Variants in ELF1 observed in about 807,000 individuals in gnomAD.
The protein encoded by ELF1 is ETS-related transcription factor Elf-1.
A neutral mutation model predicts 59.9 loss-of-function variants in ELF1; 24 were observed. The observed-to-expected ratio is 0.40, with a 90% CI of 0.29 to 0.56. ELF1 has a LOEUF of 0.56. Ranked by LOEUF, ELF1 falls within the 20% of genes least tolerant of loss-of-function variation. The probability of loss-of-function intolerance (pLI) is 0.44; values close to 1 mark genes in which losing one functional copy is unlikely to be tolerated. For synonymous variants in ELF1, 248 were observed against 266.2 expected (o/e 0.93, Z 0.67); for missense variants, 627 against 742.2 (o/e 0.84, Z 1.80).
intron 1 of ELF1, among the ~76,000 whole-genome samples, chr13:41,051,296 T>C (rs1187188718): frequency 6.6e-6 from 1 of 151,828 alleles, no homozygotes. Flanking sequence ...GAGCTCCAAA[T>C]TCCTTAAGCT....
At chr13:41,041,039 T>C (rs1200068862) in intron 1 of ELF1, among the ~76,000 whole-genome samples, 1 of 152,044 alleles carries the variant, frequency 6.6e-6, no homozygotes, top group African/African-American at 2.4e-5. Flanking sequence ...ACCGTGGATA[T>C]GAAACCTGAA....
At position 40,966,493 on chromosome 13, in the gene ELF1, G is replaced by A. The variant is rs74047248; in HGVS notation, c.73-7477C>T. ...ATAGTTTCCACTTGTGGTTGATCAC[G>A]TATGTGGCAATACCATCAAGTTAAA... is the stretch of plus-strand genomic sequence containing the variant. On this transcript the variant is annotated intron_variant, in intron 2 of 8. Transcript: ENST00000239882. Among the ~76,000 whole-genome samples the A allele has an allele frequency of 6.8e-3, 1,041 of 152,236 alleles. 8 individuals are homozygous for A. The highest frequency in any genetic ancestry group is 0.024 in the African/African-American group (993 of 41,546).
chr13:40,952,472 C>T (rs76226306), intron 3 of ELF1, among the ~76,000 whole-genome samples: 16,698 of 151,836 alleles, frequency 0.11, 1,223 homozygotes, highest in Non-Finnish European at 0.17. Context: ...AGCAATCCTA[C>T]CACCTCAGCC....
At chr13:41,026,268 A>C (rs979293516) in intron 1 of ELF1, among the ~76,000 whole-genome samples, 1 of 152,192 alleles carries the variant, frequency 6.6e-6, no homozygotes, top group Admixed American at 6.5e-5. Flanking sequence ...AGGGTAAAGG[A>C]TAAATTGTTG....
intron 2 of ELF1, among the ~76,000 whole-genome samples, chr13:40,971,442 G>A (rs2138235596): frequency 6.6e-6 from 1 of 151,970 alleles, no homozygotes; most frequent in African/African-American, 2.4e-5. Flanking sequence ...ATAGAAACGG[G>A]GTCTCCCTAT....
At chr13:41,013,733 TTATA>T (rs1875205282) in intron 1 of ELF1, among the ~76,000 whole-genome samples, 1 of 152,046 alleles carries the variant, frequency 6.6e-6, no homozygotes, top group South Asian at 2.1e-4. Flanking sequence ...ACTCTATGTT[TTATA>T]TATATTTTCC....
At chr13:41,006,505 T>C (rs1278586974) in intron 1 of ELF1, among the ~76,000 whole-genome samples, 3 of 152,138 alleles carry the variant, frequency 2.0e-5, no homozygotes, top group Non-Finnish European at 2.9e-5. Context: ...CTAGTGTCCA[T>C]CACCTACCCA....
intron 1 of ELF1, among the ~76,000 whole-genome samples, chr13:41,004,609 G>A (rs1874640777): frequency 6.6e-6 from 1 of 151,650 alleles, no homozygotes; most frequent in Non-Finnish European, 1.5e-5. Flanking sequence ...GAATTTACTT[G>A]GTAAACTACA....
intron 3 of ELF1, among the ~76,000 whole-genome samples, chr13:40,952,368 C>CT (rs35141791): frequency 0.54 from 78,273 of 146,164 alleles, 23,945 homozygotes; most frequent in Non-Finnish European, 0.68. Flanking sequence ...TTTGGTTTTG[C>CT]TTTTTTTTTT....
intron 1 of ELF1, among the ~76,000 whole-genome samples, chr13:41,037,528 G>A (rs1876429038): frequency 1.3e-5 from 2 of 152,180 alleles, no homozygotes; most frequent in Non-Finnish European, 2.9e-5. Context: ...TGGGCACGGT[G>A]GCTCATGCCT....
chr13:41,051,932 C>CTTTTTTTTTTT (rs1566201457), intron 1 of ELF1, among the ~76,000 whole-genome samples: 1 of 143,388 alleles, frequency 7.0e-6, no homozygotes, highest in Non-Finnish European at 1.5e-5. Flanking sequence ...CTTTCTTTTT[C>CTTTTTTTTTTT]TCTTTTTTTT....
chr13:41,059,402 T>C (rs1309759100), intron 1 of ELF1, among the ~76,000 whole-genome samples: 1 of 152,248 alleles, frequency 6.6e-6, no homozygotes, highest in Non-Finnish European at 1.5e-5. Flanking sequence ...ATATTTGAAT[T>C]AATGAAGACG....
chr13:41,031,145 T>C (rs1210609573), intron 1 of ELF1, among the ~76,000 whole-genome samples: 21 of 140,900 alleles, frequency 1.5e-4, no homozygotes, highest in African/African-American at 5.6e-4. Context: ...GGTGAAAGAG[T>C]GAGACCCTAT....
At chr13:40,942,827 T>C in intron 7 of ELF1, 125 bp downstream of exon 7, 2 of 1,023,582 alleles carry the variant, frequency 2.0e-6, no homozygotes, top group Non-Finnish European at 2.6e-6. Flanking sequence ...TGACTGAAAA[T>C]GTACCCTCTT....
At chr13:40,958,787 G>A (rs1434597776) in intron 3 of ELF1, 49 bp downstream of exon 3, 1 of 1,566,010 alleles carries the variant, frequency 6.4e-7, no homozygotes, top group Non-Finnish European at 8.6e-7. Flanking sequence ...TTAGGACACT[G>A]CCTAAAGCTG....
chr13:41,024,165 T>C (rs2138397674), upstream of ELF1, among the ~76,000 whole-genome samples: 1 of 152,330 alleles, frequency 6.6e-6, no homozygotes, highest in African/African-American at 2.4e-5. Context: ...ATAATGTATC[T>C]TTTACTTCAG....
At position 40,980,479 on chromosome 13, in the gene ELF1, C is replaced by T. The variant is rs150010718; in HGVS notation, c.72+1504G>A. Among the ~76,000 whole-genome samples, 9 of 152,248 alleles carry T rather than the reference C, an allele frequency of 5.9e-5. No homozygotes were observed. The South Asian group carries it at 1.9e-3, about 32-fold the overall frequency. On this transcript the variant is annotated intron_variant, in intron 2 of 8. Coordinates refer to ENST00000239882, the MANE Select transcript of ELF1 (RefSeq NM_172373.4). ...CCTCTGCAAAACAAACTAAGTATAT[C>T]ATACATAGTAAGTGTATAAGTGTTG... is the stretch of plus-strand genomic sequence containing the variant.
At chr13:41,052,293 C>G (rs967159204) in intron 1 of ELF1, among the ~76,000 whole-genome samples, 1 of 152,106 alleles carries the variant, frequency 6.6e-6, no homozygotes, top group African/African-American at 2.4e-5. Context: ...GTGAAATGAA[C>G]TCAGGAGTGA....
intron 8 of ELF1, 55 bp downstream of exon 8, chr13:40,940,866 G>A: frequency 1.3e-6 from 2 of 1,507,194 alleles, no homozygotes; most frequent in Middle Eastern, 1.8e-4. Flanking sequence ...AACAAATAAT[G>A]TCTCTGGTCA....
Sources: allele counts gnomAD v4.1 joint callset (sites outside exome capture counted in the v4.1 genomes callset), GRCh38; gene constraint gnomAD v4.1.1; transcripts MANE v1.5; gene names NCBI Gene and HGNC (gene_info 2026-07-23, HGNC 2026-07-21).